NEGR1: variants seen among roughly 807,000 people sequenced by gnomAD.
NEGR1 encodes the protein IgLON family member 4.
A neutral mutation model predicts 40.9 loss-of-function variants in NEGR1; 10 were observed. The ratio of observed to expected loss-of-function variants is 0.24; its 90% confidence interval spans 0.15 to 0.42. The LOEUF is 0.42. Among genes scored for constraint, NEGR1 ranks in the 10% least tolerant of loss-of-function variants. The probability of loss-of-function intolerance (pLI) is 1.00; values close to 1 mark genes in which losing one functional copy is unlikely to be tolerated. For synonymous variants in NEGR1, 185 were observed against 166.8 expected, an observed-to-expected ratio of 1.11 and a Z score of -0.84; for missense variants, 352 against 438.9, an observed-to-expected ratio of 0.80 and a Z score of 1.77.
chr1:71,526,386 T>C (rs1647217111), intron 6 of NEGR1, among the ~76,000 whole-genome samples: 1 of 151,574 alleles, frequency 6.6e-6, no homozygotes, highest in South Asian at 2.1e-4. Context: ...ACTTTTACAG[T>C]ATTATGTCTG....
chr1:71,509,090 G>C (rs745315812), intron 6 of NEGR1, among the ~76,000 whole-genome samples: 1 of 152,192 alleles, frequency 6.6e-6, no homozygotes, highest in Non-Finnish European at 1.5e-5. Context: ...GACAGGGTAA[G>C]GGGATGTGAA....
intron 1 of NEGR1, among the ~76,000 whole-genome samples, chr1:71,992,311 A>T (rs934597181): frequency 2.0e-5 from 3 of 152,200 alleles, no homozygotes; most frequent in Non-Finnish European, 4.4e-5. Context: ...TTATATACAC[A>T]TTGCTACAAG....
At chr1:71,495,431 C>T (rs749036608) in intron 6 of NEGR1, among the ~76,000 whole-genome samples, 4 of 149,670 alleles carry the variant, frequency 2.7e-5, no homozygotes, top group Admixed American at 6.7e-5. Context: ...GAGCTGAGAT[C>T]GCACCACTGC....
intron 2 of NEGR1, among the ~76,000 whole-genome samples, chr1:71,923,119 T>C (rs1217214525): frequency 2.0e-5 from 3 of 152,188 alleles, no homozygotes; most frequent in East Asian, 3.9e-4. Flanking sequence ...CCCTTTTATA[T>C]GCAGCCCCTG....
intron 6 of NEGR1, among the ~76,000 whole-genome samples, chr1:71,563,696 G>A (rs1211988361): frequency 6.6e-6 from 1 of 151,946 alleles, no homozygotes; most frequent in African/African-American, 2.4e-5. Context: ...TTTGGAACAA[G>A]CAAAAGAAAA....
intron 2 of NEGR1, among the ~76,000 whole-genome samples, chr1:71,811,340 C>T (rs1178839822): frequency 6.6e-6 from 1 of 152,016 alleles, no homozygotes; most frequent in Non-Finnish European, 1.5e-5. Flanking sequence ...AATTCAAGTT[C>T]CTTATCTGAG....
intron 2 of NEGR1, among the ~76,000 whole-genome samples, chr1:71,900,347 C>A (rs1570479480): frequency 6.6e-6 from 1 of 152,174 alleles, no homozygotes; most frequent in South Asian, 2.1e-4. Context: ...CCTAGTCATG[C>A]AAATAAGCAT....
chr1:71,522,353 A>G (rs1370418352), intron 6 of NEGR1, among the ~76,000 whole-genome samples: 1 of 151,952 alleles, frequency 6.6e-6, no homozygotes, highest in East Asian at 1.9e-4. Flanking sequence ...ACTGGCTTGG[A>G]AAGTGGACAG....
At chr1:71,568,151 G>T (rs1206470029) in intron 6 of NEGR1, among the ~76,000 whole-genome samples, 1 of 152,140 alleles carries the variant, frequency 6.6e-6, no homozygotes, top group Non-Finnish European at 1.5e-5. Flanking sequence ...CTTGTTTATT[G>T]TCAGTTGGAT....
At chr1:71,585,016 A>C (rs989431993) in intron 6 of NEGR1, among the ~76,000 whole-genome samples, 2 of 152,130 alleles carry the variant, frequency 1.3e-5, no homozygotes, top group Non-Finnish European at 2.9e-5. Context: ...TTCTCTGGAG[A>C]GTAAAATTCT....
chr1:71,671,671 G>C (rs1478742824), intron 4 of NEGR1, among the ~76,000 whole-genome samples: 2 of 152,046 alleles, frequency 1.3e-5, no homozygotes, highest in African/African-American at 4.8e-5. Context: ...TACAGTGTCT[G>C]TATCTGATTG....
intron 6 of NEGR1, among the ~76,000 whole-genome samples, chr1:71,444,364 T>C (rs891025676): frequency 1.9e-4 from 29 of 152,166 alleles, no homozygotes; most frequent in African/African-American, 7.0e-4. Context: ...TGAATGGGCA[T>C]GGCTATATTG....
chr1:71,752,260 A>G (rs1022083575), intron 3 of NEGR1, among the ~76,000 whole-genome samples: 4 of 152,172 alleles, frequency 2.6e-5, no homozygotes, highest in African/African-American at 7.2e-5. Context: ...CTTGCAGGCC[A>G]TAGGTTCTCT....
chr1:72,265,592 C>A (rs908702799), intron 1 of NEGR1, among the ~76,000 whole-genome samples: 10 of 150,632 alleles, frequency 6.6e-5, no homozygotes, highest in Admixed American at 6.0e-4. Flanking sequence ...TGGTAATATA[C>A]CCTGTAGGCA....
chr1:71,700,128 GATC>G (rs1653637816), intron 3 of NEGR1, among the ~76,000 whole-genome samples: 1 of 151,900 alleles, frequency 6.6e-6, no homozygotes, highest in South Asian at 2.1e-4. Flanking sequence ...GCCAATGATT[GATC>G]ATGTCATAAA....
chr1:71,730,569 T>TATATATATATATA (rs1553161610), intron 3 of NEGR1, among the ~76,000 whole-genome samples: 216 of 134,692 alleles, frequency 1.6e-3, no homozygotes, highest in Non-Finnish European at 2.5e-3. Flanking sequence ...TAGTATAAAT[T>TATATATATATATA]TATATATATA....
chr1:71,464,797 C>G (rs1646734991), intron 6 of NEGR1, among the ~76,000 whole-genome samples: 1 of 152,120 alleles, frequency 6.6e-6, no homozygotes, highest in Non-Finnish European at 1.5e-5. Flanking sequence ...GAGCAATTCA[C>G]ACGGTGAACT....
intron 6 of NEGR1, among the ~76,000 whole-genome samples, chr1:71,522,154 T>TTA (rs1267474376): frequency 6.6e-6 from 1 of 151,974 alleles, no homozygotes; most frequent in African/African-American, 2.4e-5. Context: ...TATGATGGGA[T>TTA]TAAAAAGGAT....
chr1:71,910,983 C>A (rs1308863874), intron 2 of NEGR1, among the ~76,000 whole-genome samples: 5 of 152,124 alleles, frequency 3.3e-5, no homozygotes, highest in African/African-American at 1.2e-4. Flanking sequence ...CAGACATGAG[C>A]CACCACTCCC....
Sources: allele counts gnomAD v4.1 joint callset (sites outside exome capture counted in the v4.1 genomes callset), GRCh38; gene constraint gnomAD v4.1.1; transcripts MANE v1.5; gene names NCBI Gene and HGNC (gene_info 2026-07-23, HGNC 2026-07-21).